The following SMARCA2 variants were observed in gnomAD, a reference collection of about 807,000 sequenced individuals.
SMARCA2 encodes the protein SWI/SNF-related matrix-associated actin-dependent regulator of chromatin subfamily A member 2.
SMARCA2 carries 61 observed loss-of-function variants against 199.8 expected under a neutral mutation model. That is an observed-to-expected ratio of 0.31 (90% CI 0.25 to 0.38). SMARCA2 has a LOEUF of 0.38. SMARCA2 is among the 10% of genes least tolerant of loss of function. SMARCA2 has a pLI of 1.00. For synonymous variants in SMARCA2, 935 were observed against 732.0 expected, an observed-to-expected ratio of 1.28 and a Z score of -4.48; for missense variants, 1,344 against 2,012.2, an observed-to-expected ratio of 0.67 and a Z score of 6.35.
chr9:2,049,635 C>T (rs1284409258), intron 5 of SMARCA2, among the ~76,000 whole-genome samples: 1 of 152,170 alleles, frequency 6.6e-6, no homozygotes, highest in East Asian at 1.9e-4. Context: ...GGAGAAGAAG[C>T]ACAGTTTGGT....
chr9:2,189,232 G>A (rs1827707070), intron 32 of SMARCA2, among the ~76,000 whole-genome samples: 1 of 152,100 alleles, frequency 6.6e-6, no homozygotes, highest in African/African-American at 2.4e-5. Flanking sequence ...ACTTTTCATA[G>A]GTGCATATGG....
intron 31 of SMARCA2, among the ~76,000 whole-genome samples, chr9:2,185,749 T>C (rs1827393938): frequency 6.6e-6 from 1 of 152,190 alleles, no homozygotes; most frequent in South Asian, 2.1e-4. Context: ...AGAAGATTGC[T>C]TTACCACAGT....
intron 9 of SMARCA2, among the ~76,000 whole-genome samples, chr9:2,065,892 G>T (rs10811366): frequency 0.21 from 32,006 of 152,112 alleles, 6,885 homozygotes; most frequent in African/African-American, 0.55. Context: ...TCAAAATGGG[G>T]GAGACCAGAA....
chr9:2,082,557 C>T (rs1563756320), intron 15 of SMARCA2, among the ~76,000 whole-genome samples: 2 of 152,280 alleles, frequency 1.3e-5, no homozygotes, highest in African/African-American at 4.8e-5. Flanking sequence ...CAGTGCCTCA[C>T]CTGCTAGGTG....
Position 2,083,325 on chromosome 9 carries a change from GTTT to G in SMARCA2, c.2349-12_2349-10del. On this transcript the variant is annotated intron_variant, in intron 15 of 33. Transcript: ENST00000349721. ...TTTATACAAATGTCTTTTTTCTGTT[GTTT>G]TTTTTTTTTGTTCCATAGGACTCTA... The G allele has an allele frequency of 2.7e-5, 32 of 1,180,640 alleles. No homozygotes were observed. The highest frequency in any genetic ancestry group is 7.7e-5 in the Admixed American group (3 of 39,146). 73.1% of individuals were successfully genotyped at this position (1,180,640 alleles called of 1,614,324 possible).
chr9:2,116,100 C>A, intron 25 of SMARCA2, 51 bp downstream of exon 25: 1 of 1,342,972 alleles, frequency 7.4e-7, no homozygotes, highest in African/African-American at 1.4e-5. Flanking sequence ...CCTTTTGTCT[C>A]TGAAGGACTC....
chr9:2,150,589 G>A (rs1047996220), intron 27 of SMARCA2, among the ~76,000 whole-genome samples: 9 of 151,594 alleles, frequency 5.9e-5, no homozygotes, highest in African/African-American at 1.2e-4. Context: ...ATGTGCCTAC[G>A]AGCAGCGTTG....
intron 1 of SMARCA2, among the ~76,000 whole-genome samples, chr9:2,019,704 G>A (rs928258820): frequency 3.9e-5 from 6 of 151,978 alleles, no homozygotes; most frequent in Non-Finnish European, 7.4e-5. Flanking sequence ...TAATTGTGAT[G>A]CTCCTTATAT....
chr9:2,073,134 A>G (rs1821162463), intron 10 of SMARCA2, 78 bp from the exon 11 acceptor site: 1 of 1,534,546 alleles, frequency 6.5e-7, no homozygotes, highest in South Asian at 1.2e-5. Flanking sequence ...GGCAGCAAAA[A>G]CTGCTGAGAA....
Position 2,186,146 on chromosome 9 carries a change from G to A in SMARCA2, c.4512G>A (p.Gln1504=), listed in dbSNP as rs201825831. 6.2e-7 allele frequency: 1 copy of A among 1,614,080 alleles called. No homozygotes were observed. The highest frequency in any genetic ancestry group is 8.5e-7 in the Non-Finnish European group (1 of 1,179,936). ...VLQSVFKSAR[Q]KIAKEEESED... ...AGTCAGTGTTTAAGAGTGCCCGGCA[G>A]AAAATTGCCAAAGAGGAAGAGAGTG... Residue 1504 remains glutamine, a synonymous_variant, in exon 32 of 34, where the codon CAG becomes CAA. Coordinates refer to ENST00000349721, the MANE Select transcript of SMARCA2 (RefSeq NM_003070.5).
chr9:2,095,063 C>G (rs1367307249), intron 19 of SMARCA2, among the ~76,000 whole-genome samples: 2 of 151,852 alleles, frequency 1.3e-5, no homozygotes, highest in African/African-American at 4.8e-5. Flanking sequence ...TACAATTATA[C>G]CTCAATACAG....
At chr9:2,026,358 A>T (rs1393051090) in intron 1 of SMARCA2, among the ~76,000 whole-genome samples, 3 of 152,176 alleles carry the variant, frequency 2.0e-5, no homozygotes, top group African/African-American at 7.2e-5. Flanking sequence ...CATTCCAATT[A>T]TATGCCCGTA....
rs113070757 is a variant in SMARCA2, at chr9:2,039,776, A to ACAGCAG, written c.702_707dup (p.Gln237_Gln238dup). The ACAGCAG allele has an allele frequency of 2.7e-3, 4,284 of 1,596,150 alleles. 26 individuals carry two copies. In the African/African-American group the frequency reaches 0.031, roughly 11 times the overall value. ...GCTTGCAGCAACAACAGCAGCAGCA[A>ACAGCAG]CAGCAGCAGCAGCAGCAGCAGCAGC... On this transcript the variant is annotated inframe_insertion, in exon 4 of 34. Coordinates refer to ENST00000349721, the MANE Select transcript of SMARCA2 (RefSeq NM_003070.5). This position sits in a 1 kb window ranked among gnomAD's most constrained non-coding sequence, Gnocchi z 4.8.
intron 16 of SMARCA2, 61 bp downstream of exon 16, chr9:2,083,474 C>T: frequency 9.9e-7 from 1 of 1,008,256 alleles, no homozygotes; most frequent in East Asian, 2.4e-5. Context: ...CTATTTTCTT[C>T]ATTCCATATG....
Position 2,028,337 on chromosome 9 carries a change from T to G in SMARCA2, c.-36-650T>G, listed in dbSNP as rs539622497. ...GTTTGTTGTGCTGAGACTACAGCTG[T>G]GTTTTTCACACATGTCATTGCATTG... On this transcript the variant is annotated intron_variant, in intron 1 of 33. Coordinates refer to ENST00000349721, the MANE Select transcript of SMARCA2 (RefSeq NM_003070.5). Among the ~76,000 whole-genome samples, 131 of 148,432 alleles carry G rather than the reference T, an allele frequency of 8.8e-4. 1 individual carries two copies. Among genetic ancestry groups the G allele is most frequent in the African/African-American group, 3.2e-3 (127 of 39,316 alleles).
At chr9:2,162,813 G>C (rs1586774587) in intron 28 of SMARCA2, 1 of 152,170 alleles carries the variant, frequency 6.6e-6, no homozygotes. Context: ...GATGTGTGGA[G>C]TGGATGAAGC....
intron 29 of SMARCA2, among the ~76,000 whole-genome samples, chr9:2,172,527 T>C (rs1826311174): frequency 6.6e-6 from 1 of 152,018 alleles, no homozygotes; most frequent in African/African-American, 2.4e-5. Flanking sequence ...GACTACACCA[T>C]CTCAGTGTGA....
At chr9:2,134,031 T>G (rs35519921) in intron 27 of SMARCA2, among the ~76,000 whole-genome samples, 1 of 152,146 alleles carries the variant, frequency 6.6e-6, no homozygotes, top group African/African-American at 2.4e-5. Context: ...GAATTAAAGG[T>G]GTGTAACATA....
intron 27 of SMARCA2, among the ~76,000 whole-genome samples, chr9:2,142,116 C>T (rs1824490806): frequency 6.6e-6 from 1 of 152,118 alleles, no homozygotes; most frequent in Admixed American, 6.5e-5. Context: ...AAGGTAGGGC[C>T]CTTAGCTCCA....
Sources: allele counts gnomAD v4.1 joint callset (sites outside exome capture counted in the v4.1 genomes callset), GRCh38; gene constraint gnomAD v4.1.1; non-coding constraint Gnocchi (gnomAD v3.1); transcripts MANE v1.5; gene names NCBI Gene and HGNC (gene_info 2026-07-23, HGNC 2026-07-21).